The following DAAM1 variants were observed in gnomAD, a reference collection of about 807,000 sequenced individuals.
DAAM1 encodes the protein disheveled-associated activator of morphogenesis 1.
DAAM1 carries 52 observed loss-of-function variants against 130.0 expected under a neutral mutation model. The observed-to-expected ratio is 0.40, with a 90% confidence interval of 0.32 to 0.50. DAAM1 has a LOEUF of 0.50. DAAM1 is among the 20% of genes least tolerant of loss of function. The probability of loss-of-function intolerance (pLI) is 0.61; values close to 1 mark genes in which losing one functional copy is unlikely to be tolerated. For synonymous variants in DAAM1, 452 were observed against 444.5 expected (o/e 1.02, Z -0.21); for missense variants, 1,134 against 1,303.8 (o/e 0.87, Z 2.01).
At chr14:59,330,220 G>A (rs1389572760) in intron 12 of DAAM1, among the ~76,000 whole-genome samples, 1 of 152,172 alleles carries the variant, frequency 6.6e-6, no homozygotes, top group Non-Finnish European at 1.5e-5. Flanking sequence ...TCCTCCACAA[G>A]AAGTCACTCA....
At chr14:59,233,170 G>A (rs543001571) in intron 1 of DAAM1, among the ~76,000 whole-genome samples, 1 of 152,036 alleles carries the variant, frequency 6.6e-6, no homozygotes, top group Non-Finnish European at 1.5e-5. Context: ...GGGATTGCTG[G>A]GTCAAATGGT....
intron 3 of DAAM1, among the ~76,000 whole-genome samples, chr14:59,308,029 G>A (rs1451867359): frequency 3.3e-5 from 5 of 152,132 alleles, no homozygotes; most frequent in Non-Finnish European, 7.4e-5. Flanking sequence ...TTAATATGAC[G>A]TGTCTTTTAT....
intron 20 of DAAM1, among the ~76,000 whole-genome samples, chr14:59,356,659 C>G (rs569056495): frequency 6.6e-6 from 1 of 152,192 alleles, no homozygotes; most frequent in Non-Finnish European, 1.5e-5. Flanking sequence ...AATGGAAGAT[C>G]TTATTTGTGT....
chr14:59,357,988 G>C (rs1886550443), intron 20 of DAAM1, among the ~76,000 whole-genome samples: 1 of 152,218 alleles, frequency 6.6e-6, no homozygotes, highest in Non-Finnish European at 1.5e-5. Flanking sequence ...ATTTTGGTTA[G>C]AGGTGAGTTG....
chr14:59,317,810 C>G (rs1036218130), intron 4 of DAAM1, among the ~76,000 whole-genome samples: 3 of 152,182 alleles, frequency 2.0e-5, no homozygotes, highest in African/African-American at 4.8e-5. Flanking sequence ...CCCAAAGACT[C>G]CTTTCCAATT....
intron 1 of DAAM1, among the ~76,000 whole-genome samples, chr14:59,191,697 A>G (rs1465175762): frequency 6.6e-6 from 1 of 152,172 alleles, no homozygotes; most frequent in East Asian, 1.9e-4. Flanking sequence ...TTACCCCTGA[A>G]CCAGGCATTT....
At chr14:59,367,241 T>A (rs60406392) in intron 23 of DAAM1, among the ~76,000 whole-genome samples, 188 bp from the exon 24 acceptor site, 2 of 151,652 alleles carry the variant, frequency 1.3e-5, no homozygotes, top group East Asian at 3.9e-4. Flanking sequence ...TGAGCTGGGA[T>A]CATGCCACTG....
At chr14:59,266,397 C>T (rs182685909) in intron 2 of DAAM1, among the ~76,000 whole-genome samples, 14 of 152,298 alleles carry the variant, frequency 9.2e-5, no homozygotes, top group Admixed American at 2.6e-4. Context: ...AAAATGAGAG[C>T]GAGGAGCCCG....
chr14:59,241,599 A>G (rs1344101452), intron 1 of DAAM1, among the ~76,000 whole-genome samples: 3 of 152,218 alleles, frequency 2.0e-5, no homozygotes, highest in African/African-American at 4.8e-5. Flanking sequence ...AGGAACTTCT[A>G]TTGTGTACTG....
chr14:59,361,301 GTAC>G (rs1170596602), intron 22 of DAAM1, among the ~76,000 whole-genome samples: 1 of 152,186 alleles, frequency 6.6e-6, no homozygotes, highest in Non-Finnish European at 1.5e-5. Context: ...AGACAGTGTA[GTAC>G]ATGCTCTAGC....
At chr14:59,259,810 C>T (rs943680883) in intron 1 of DAAM1, among the ~76,000 whole-genome samples, 8 of 152,024 alleles carry the variant, frequency 5.3e-5, no homozygotes, top group African/African-American at 1.7e-4. Flanking sequence ...TTTGGGAGGC[C>T]GAGGCAGGCA....
chr14:59,310,808 C>T (rs543466443), intron 3 of DAAM1, among the ~76,000 whole-genome samples: 2 of 152,274 alleles, frequency 1.3e-5, no homozygotes, highest in Admixed American at 1.3e-4. Context: ...CAATTCGTAA[C>T]AGCACACATA....
At chr14:59,346,684 C>G (rs1289548540) in intron 16 of DAAM1, among the ~76,000 whole-genome samples, 1 of 152,072 alleles carries the variant, frequency 6.6e-6, no homozygotes, top group Non-Finnish European at 1.5e-5. Flanking sequence ...ATAATGTGAT[C>G]AAGATTTTTT....
chr14:59,322,181 G>A (rs1385639675), intron 5 of DAAM1, among the ~76,000 whole-genome samples: 1 of 152,072 alleles, frequency 6.6e-6, no homozygotes, highest in Non-Finnish European at 1.5e-5. Flanking sequence ...TAGGGTGTTT[G>A]GGTCAGTGAT....
Position 59,315,371 on chromosome 14 carries a change from C to A in DAAM1, c.345+20C>A. ...GCTGCTGTAAGTAGACTTTTATGTT[C>A]TTTGACACACTGTTTAAAATGCAAG... is the stretch of plus-strand genomic sequence containing the variant. On this transcript the variant is annotated intron_variant, in intron 4 of 24. Transcript: ENST00000360909. 1 of 1,608,318 alleles carries A rather than the reference C, an allele frequency of 6.2e-7. No homozygotes were observed. Among genetic ancestry groups the A allele is most frequent in the South Asian group, 1.1e-5 (1 of 90,808 alleles).
chr14:59,207,425 A>G (rs988950709), intron 1 of DAAM1, among the ~76,000 whole-genome samples: 2 of 152,218 alleles, frequency 1.3e-5, no homozygotes, highest in Admixed American at 6.5e-5. Context: ...CTTTGACTCT[A>G]TTAAAAATTG....
At chr14:59,342,763 AG>A (rs1390226301) in intron 16 of DAAM1, among the ~76,000 whole-genome samples, 13 of 152,288 alleles carry the variant, frequency 8.5e-5, no homozygotes, top group African/African-American at 3.1e-4. Context: ...AAGGACATGG[AG>A]CCCGGCCATG....
chr14:59,191,663 T>C (rs1322609457), intron 1 of DAAM1, among the ~76,000 whole-genome samples: 1 of 152,194 alleles, frequency 6.6e-6, no homozygotes, highest in Non-Finnish European at 1.5e-5. Flanking sequence ...ACATCGACTG[T>C]TTCTTTGTAG....
intron 1 of DAAM1, among the ~76,000 whole-genome samples, chr14:59,248,703 A>T (rs908984949): frequency 2.6e-5 from 4 of 152,100 alleles, no homozygotes; most frequent in Admixed American, 1.3e-4. Context: ...TCTGTGCATT[A>T]TTTTTATTTT....
Sources: allele counts gnomAD v4.1 joint callset (sites outside exome capture counted in the v4.1 genomes callset), GRCh38; gene constraint gnomAD v4.1.1; transcripts MANE v1.5; gene names NCBI Gene and HGNC (gene_info 2026-07-23, HGNC 2026-07-21).